The following RAB41 variants were observed in gnomAD, a reference collection of about 807,000 sequenced individuals.
RAB41 encodes the protein ras-related protein Rab-41.
A neutral mutation model predicts 19.0 loss-of-function variants in RAB41; 15 were observed. That is an observed-to-expected ratio of 0.79 (90% CI 0.53 to 1.21). The LOEUF is 1.21. RAB41 is among the 50% of genes most tolerant of loss of function. RAB41 has a pLI of 0.00. For missense variants in RAB41, 177 were observed against 179.7 expected (o/e 0.99, Z 0.09); for synonymous variants, 73 against 64.7 (o/e 1.13, Z -0.62).
chrX:70,284,199 C>G, intron 6 of RAB41, 67 bp from the exon 7 acceptor site: 1 of 1,134,184 alleles, frequency 8.8e-7, no homozygotes, highest in African/African-American at 1.8e-5. Flanking sequence ...ATTATCCTAG[C>G]CTCTGAACCT....
intron 5 of RAB41, 50 bp downstream of exon 5, chrX:70,283,674 TGG>T: frequency 1.1e-6 from 1 of 904,872 alleles, no homozygotes. Flanking sequence ...TCAGTCTCTA[TGG>T]GGAGGGTCAA....
Position 70,284,939 on chromosome X carries a change from CAATTCATTCTCCA to C in RAB41, c.*297_*309del. ...AGCTGACATACTTCAAAGGCCAATA[CAATTCATTCTCCA>C]CTGTTTGTTGTTGTTTACCTACACC... is the stretch of plus-strand genomic sequence containing the variant. On this transcript the variant is annotated 3_prime_UTR_variant, in exon 8 of 8. Transcript: ENST00000374473. 1 of 329,452 alleles carries C rather than the reference CAATTCATTCTCCA, an allele frequency of 3.0e-6. No homozygotes were observed. 27.2% of individuals were successfully genotyped at this position (329,452 alleles called of 1,213,427 possible). A position where few individuals can be genotyped will look rare whatever the true frequency, so the allele number is the denominator to read the frequency against.
chrX:70,283,571 TGAC>T lies in RAB41; in HGVS notation c.405_407del (p.Asp136del). On this transcript the variant is annotated inframe_deletion, in exon 5 of 8. Transcript: ENST00000374473. ...TAGAACACGTGCGAGCAGAAAGAGG[TGAC>T]GATGTTGTCATCATGTTGTTGGGTA... The T allele has an allele frequency of 5.0e-6, 6 of 1,209,428 alleles. No individual in the cohort carries two copies. Among genetic ancestry groups the T allele is most frequent in the Non-Finnish European group, 6.7e-6 (6 of 893,417 alleles).
At position 70,284,619 on chromosome X, in the gene RAB41, G is replaced by A; in HGVS notation, c.645G>A (p.Glu215=). The change falls in exon 8 of 8, where the codon GAG becomes GAA. Residue 215 remains glutamate, a synonymous_variant. Transcript: ENST00000374473. ...AAATCGAACTGGAATCCTTCGAGGA[G>A]TCAGGCAACAGAAGCTATTGTTGAC... is the stretch of plus-strand genomic sequence containing the variant. ...TVEIELESFE[E]SGNRSYC is the part of the protein sequence containing the mutation. 8.3e-7 allele frequency: 1 copy of A among 1,209,393 alleles called. No individual in the cohort carries two copies. Among genetic ancestry groups the A allele is most frequent in the Non-Finnish European group, 1.1e-6 (1 of 893,411 alleles).
rs766788295 is a variant in RAB41, at chrX:70,282,590, A to G, written c.182A>G (p.Gln61Arg). 9 of 1,207,445 alleles carry G rather than the reference A, an allele frequency of 7.5e-6. No individual in the cohort carries two copies. The highest frequency in any genetic ancestry group is 1.0e-5 in the Non-Finnish European group (9 of 891,814). The change falls in exon 2 of 8, where the codon CAG (glutamine) becomes CGG (arginine). Residue 61 changes from glutamine (Q) to arginine (R), a missense_variant and splice_region_variant. Transcript: ENST00000374473. ...FMYNSFGCAC[Q>R]ATVGIDFLSK... ...TACAACAGCTTCGGCTGCGCCTGCC[A>G]GGTAAGACCACCACCGAGTCATATG... is the stretch of plus-strand genomic sequence containing the variant.
rs1002459016 is a variant in RAB41, at chrX:70,284,944, C to T, written c.*301C>T. 5 of 316,688 alleles carry T rather than the reference C, an allele frequency of 1.6e-5. No individual in the cohort carries two copies. Among genetic ancestry groups the T allele is most frequent in the African/African-American group, 5.3e-5 (2 of 37,898 alleles). 26.1% of individuals were successfully genotyped at this position (316,688 alleles called of 1,213,427 possible). On this transcript the variant is annotated 3_prime_UTR_variant, in exon 8 of 8. Transcript: ENST00000374473. ...ACATACTTCAAAGGCCAATACAATT[C>T]ATTCTCCACTGTTTGTTGTTGTTTA...
Position 70,283,282 on chromosome X carries a change from A to G in RAB41, c.252A>G (p.Leu84=). The G allele has an allele frequency of 8.3e-7, 1 of 1,208,736 alleles. No homozygotes were observed. Among genetic ancestry groups the G allele is most frequent in the Non-Finnish European group, 1.1e-6 (1 of 892,665 alleles). The part of the protein sequence containing the change: ...YLEDQIVQLQ[L]WDTAGQERFH... The stretch of plus-strand genomic sequence containing the variant: ...TTTTTATGCAGGTTCAGCTGCAGCT[A>G]TGGGACACAGCTGGCCAGGAGCGCT... The change falls in exon 4 of 8, where the codon CTA becomes CTG. Residue 84 remains leucine (L), a synonymous_variant. Transcript: ENST00000374473.
At position 70,282,238 on chromosome X, in the gene RAB41, C is replaced by T. The variant is rs1569223928; in HGVS notation, c.21C>T (p.Asp7=). 6 of 1,210,700 alleles carry T rather than the reference C, an allele frequency of 5.0e-6. No homozygotes were observed. The highest frequency in any genetic ancestry group is 3.5e-5 in the African/African-American group (2 of 57,437). MSAFGH[D]EAWMEAGGFG... is the part of the protein sequence containing the mutation. ...AAGCGATGTCTGCCTTTGGTCACGA[C>T]GAGGCCTGGATGGAGGCCGGAGGCT... Residue 7 remains aspartate, a synonymous_variant, in exon 1 of 8, where the codon GAC becomes GAT. Coordinates refer to ENST00000374473, the MANE Select transcript of RAB41 (RefSeq NM_001363807.1).
At chrX:70,284,443 C>A in intron 7 of RAB41, 114 bp downstream of exon 7, 5 of 960,948 alleles carry the variant, frequency 5.2e-6, no homozygotes, top group Non-Finnish European at 5.9e-6. Flanking sequence ...CTAACTTTAG[C>A]CCAAAGTAGT....
chrX:70,284,320 A>G lies in RAB41; in HGVS notation c.604A>G (p.Lys202Glu). 8.3e-7 allele frequency: 1 copy of G among 1,208,249 alleles called. No homozygotes were observed. The highest frequency in any genetic ancestry group is 1.1e-6 in the Non-Finnish European group (1 of 893,527). Residue 202 changes from lysine to glutamate, a missense_variant, in exon 7 of 8, where the codon AAA (lysine) becomes GAA (glutamate). By Grantham distance (56) the Lys-to-Glu change is moderately conservative. Coordinates refer to ENST00000374473, the MANE Select transcript of RAB41 (RefSeq NM_001363807.1). Reference sequence around the variant, plus strand: ...TTCCACAAGGACTTCACCTCCACCAAAAGAGGGGAGTATCCTTTTTCCTAG... The same window carrying G: ...TTCCACAAGGACTTCACCTCCACCAGAAGAGGGGAGTATCCTTTTTCCTAG... ...LLSTRTSPPP[K>E]EGTVEIELES...
At chrX:70,283,771 T>C in intron 5 of RAB41, 147 bp downstream of exon 5, 1 of 540,508 alleles carries the variant, frequency 1.9e-6, no homozygotes, top group South Asian at 2.9e-5. Flanking sequence ...CAGGGGGGCG[T>C]CCCATCAGGG....
rs757319597 is a variant in RAB41 at position 70,283,575 on chromosome X, G to A, written c.406G>A (p.Asp136Asn). The change falls in exon 5 of 8, where the codon GAT (aspartate) becomes AAT (asparagine). Residue 136 changes from aspartate to asparagine, a missense_variant. Transcript: ENST00000374473. ...ACACGTGCGAGCAGAAAGAGGTGAC[G>A]ATGTTGTCATCATGTTGTTGGGTAA... Reference protein sequence around the residue: ...VEHVRAERGDDVVIMLLGNKI... With the variant: ...VEHVRAERGDNVVIMLLGNKI... 3.3e-6 allele frequency: 4 copies of A among 1,209,180 alleles called. No homozygotes were observed. Among genetic ancestry groups the A allele is most frequent in the Non-Finnish European group, 1.1e-6 (1 of 893,093 alleles).
chrX:70,284,421 G>A (rs1382917567), intron 7 of RAB41, 92 bp downstream of exon 7: 4 of 1,016,615 alleles, frequency 3.9e-6, no homozygotes, highest in Non-Finnish European at 5.5e-6. Context: ...GGTACCTAAG[G>A]GGAAAATGGG....
At chrX:70,283,187 CTTT>C (rs1242810042) in intron 3 of RAB41, 78 bp from the exon 4 acceptor site, 2 of 844,387 alleles carry the variant, frequency 2.4e-6, no homozygotes, top group Non-Finnish European at 1.7e-6. Flanking sequence ...TGTATTCTGC[CTTT>C]ATTAGGTTTG....
At chrX:70,282,615 G>A (rs2085694384) in intron 2 of RAB41, 24 bp downstream of exon 2, 1 of 1,196,040 alleles carries the variant, frequency 8.4e-7, no homozygotes, top group East Asian at 3.0e-5. Context: ...CGAGTCATAT[G>A]GTACATTTTT....
In RAB41 at chrX:70,284,924, C is replaced by T. The variant is rs1249840721; in HGVS notation, c.*281C>T. ...ATACAGTTCTACAGCAGCTGACATA[C>T]TTCAAAGGCCAATACAATTCATTCT... On this transcript the variant is annotated 3_prime_UTR_variant, in exon 8 of 8. Transcript: ENST00000374473. 1.4e-5 allele frequency: 5 copies of T among 357,917 alleles called. No homozygotes were observed. Among genetic ancestry groups the T allele is most frequent in the Non-Finnish European group, 2.5e-5 (5 of 203,541 alleles). The allele number at this position is 357,917 out of a possible 1,213,427, so 29.5% of individuals were successfully genotyped here.
At position 70,282,651 on chromosome X, in the gene RAB41, G is replaced by A. The variant is rs2085694864; in HGVS notation, c.183+60G>A. On this transcript the variant is annotated intron_variant, in intron 2 of 7. Transcript: ENST00000374473. ...GCCACTCTTCTTGGCGGACTCACCT[G>A]GAGATTCTCCTCCTCAAAGTTATGT... 6 of 1,121,474 alleles carry A rather than the reference G, an allele frequency of 5.4e-6. No individual in the cohort carries two copies. The South Asian group carries it at 1.1e-4, about 21-fold the overall frequency. 92.4% of individuals were successfully genotyped at this position (1,121,474 alleles called of 1,213,427 possible).
chrX:70,284,131 T>C (rs903840949), intron 6 of RAB41, 88 bp downstream of exon 6: 3 of 974,179 alleles, frequency 3.1e-6, no homozygotes, highest in Admixed American at 2.3e-5. Flanking sequence ...GCTTGGCTTA[T>C]CTTTTGTGGG....
At chrX:70,284,493 G>A in intron 7 of RAB41, 95 bp from the exon 8 acceptor site, 1 of 960,187 alleles carries the variant, frequency 1.0e-6, no homozygotes, top group Admixed American at 2.2e-5. Flanking sequence ...TGTAAGATCA[G>A]AATTCCTCTT....
Sources: allele counts gnomAD v4.1 joint callset, GRCh38; gene constraint gnomAD v4.1.1; transcripts MANE v1.5; gene names NCBI Gene and HGNC (gene_info 2026-07-23, HGNC 2026-07-21).